CYP19A1: variants seen among roughly 807,000 people sequenced by gnomAD.
CYP19A1 encodes the protein aromatase.
A neutral mutation model predicts 44.4 loss-of-function variants in CYP19A1; 32 were observed. The ratio of observed to expected loss-of-function variants is 0.72; its 90% CI spans 0.54 to 0.97. The LOEUF (loss-of-function observed/expected upper bound fraction) is 0.97. CYP19A1 is among the 50% of genes least tolerant of loss of function. CYP19A1 has a pLI of 0.00. For missense variants in CYP19A1, 598 were observed against 637.8 expected, an observed-to-expected ratio of 0.94 and a Z score of 0.67; for synonymous variants, 212 against 215.6, an observed-to-expected ratio of 0.98 and a Z score of 0.14.
At chr15:51,287,874 T>G (rs1056980692) in intron 1 of CYP19A1, among the ~76,000 whole-genome samples, 1 of 152,200 alleles carries the variant, frequency 6.6e-6, no homozygotes, top group Non-Finnish European at 1.5e-5. Flanking sequence ...GGTGGAATGT[T>G]CAAAAGCTCA....
intron 1 of CYP19A1, among the ~76,000 whole-genome samples, chr15:51,283,616 G>A (rs753526872): frequency 1.0e-3 from 157 of 152,096 alleles, no homozygotes; most frequent in Non-Finnish European, 8.1e-4. Flanking sequence ...TCCAATTGTC[G>A]GCAATTTGGA....
At chr15:51,261,097 C>T (rs971207550) in intron 1 of CYP19A1, among the ~76,000 whole-genome samples, 23 of 152,302 alleles carry the variant, frequency 1.5e-4, no homozygotes, top group Admixed American at 1.2e-3. Context: ...GCTAGAGGCT[C>T]GCCATTGTTC....
intron 2 of CYP19A1, 73 bp from the exon 3 acceptor site, chr15:51,237,082 T>C: frequency 3.3e-6 from 5 of 1,528,430 alleles, no homozygotes; most frequent in Non-Finnish European, 4.5e-6. Flanking sequence ...GTTACTCCTG[T>C]TTTTGTTCTT....
At chr15:51,287,526 G>A (rs2035734654) in intron 1 of CYP19A1, among the ~76,000 whole-genome samples, 2 of 152,178 alleles carry the variant, frequency 1.3e-5, no homozygotes, top group African/African-American at 4.8e-5. Context: ...GGCAGCCACA[G>A]CTCAGACATT....
At chr15:51,253,565 A>C (rs555317458) in intron 1 of CYP19A1, among the ~76,000 whole-genome samples, 1 of 152,126 alleles carries the variant, frequency 6.6e-6, no homozygotes, top group South Asian at 2.1e-4. Flanking sequence ...TCCCACCCAC[A>C]CTTCCTTTTA....
chr15:51,328,533 A>G (rs2036648202), intron 1 of CYP19A1, among the ~76,000 whole-genome samples: 1 of 149,158 alleles, frequency 6.7e-6, no homozygotes. Context: ...GGGAATCCTG[A>G]GTTACAGGGC....
chr15:51,300,872 C>T (rs912091361), intron 1 of CYP19A1, among the ~76,000 whole-genome samples: 2 of 152,098 alleles, frequency 1.3e-5, no homozygotes, highest in South Asian at 4.1e-4. Flanking sequence ...AGACATAAAA[C>T]GGTGGTAGGC....
chr15:51,329,870 G>A (rs778454068), intron 1 of CYP19A1, among the ~76,000 whole-genome samples: 3 of 152,198 alleles, frequency 2.0e-5, no homozygotes, highest in Admixed American at 6.5e-5. Flanking sequence ...GACAGGGAGC[G>A]ACAGGCCATT....
At chr15:51,216,986 G>T (rs1029220980) in intron 6 of CYP19A1, among the ~76,000 whole-genome samples, 1 of 152,112 alleles carries the variant, frequency 6.6e-6, no homozygotes, top group Non-Finnish European at 1.5e-5. Context: ...TCTGTATTAC[G>T]TTAAATGTAC....
intron 5 of CYP19A1, 53 bp downstream of exon 5, chr15:51,222,296 C>G: frequency 6.2e-7 from 1 of 1,613,728 alleles, no homozygotes; most frequent in Non-Finnish European, 8.5e-7. Flanking sequence ...CCTCCTAGCT[C>G]CTTGTTCAGT....
At chr15:51,329,908 G>A (rs984749556) in intron 1 of CYP19A1, among the ~76,000 whole-genome samples, 5 of 152,210 alleles carry the variant, frequency 3.3e-5, no homozygotes, top group African/African-American at 1.2e-4. Context: ...ACACCAGGAT[G>A]GGTAAATACA....
chr15:51,280,288 C>T (rs535632249), intron 1 of CYP19A1, among the ~76,000 whole-genome samples: 6 of 151,858 alleles, frequency 4.0e-5, no homozygotes, highest in African/African-American at 9.7e-5. Context: ...TTAGTAGAGA[C>T]GGGGTTTCAC....
At chr15:51,225,213 G>C (rs1028765435) in intron 4 of CYP19A1, among the ~76,000 whole-genome samples, 6 of 152,114 alleles carry the variant, frequency 3.9e-5, no homozygotes, top group African/African-American at 1.4e-4. Context: ...ATTGTATCTT[G>C]GTACCTAGTT....
chr15:51,326,706 C>G (rs1299297151), intron 1 of CYP19A1, among the ~76,000 whole-genome samples: 25 of 152,012 alleles, frequency 1.6e-4, no homozygotes, highest in Admixed American at 1.6e-3. Context: ...GAATTTTGAA[C>G]CTGGAAGAAA....
At chr15:51,218,402 C>A in intron 6 of CYP19A1, 139 bp downstream of exon 6, 1 of 1,317,564 alleles carries the variant, frequency 7.6e-7, no homozygotes. Context: ...AGTGTTTCAT[C>A]AGCAACTTAA....
chr15:51,273,732 G>A (rs917245179), intron 1 of CYP19A1, among the ~76,000 whole-genome samples: 2 of 152,146 alleles, frequency 1.3e-5, no homozygotes, highest in East Asian at 1.9e-4. Context: ...ACAGCCGGCT[G>A]CAATGGCTCA....
chr15:51,313,365 C>T (rs559774173), intron 1 of CYP19A1, among the ~76,000 whole-genome samples: 50 of 152,182 alleles, frequency 3.3e-4, no homozygotes, highest in African/African-American at 1.2e-3. Flanking sequence ...AGAGCAGAGG[C>T]ACCACCTAAA....
intron 1 of CYP19A1, among the ~76,000 whole-genome samples, chr15:51,257,293 T>C (rs34734762): frequency 2.5e-4 from 38 of 152,346 alleles, no homozygotes; most frequent in African/African-American, 8.7e-4. Flanking sequence ...AGAGTTCATA[T>C]TCCACCAAGT....
intron 3 of CYP19A1, among the ~76,000 whole-genome samples, chr15:51,235,701 C>T (rs1424708268): frequency 6.6e-6 from 1 of 151,998 alleles, no homozygotes; most frequent in Non-Finnish European, 1.5e-5. Context: ...TTGAGGATAC[C>T]GTGGTATTTT....
Sources: gnomAD v4.1 joint callset for allele counts (sites outside exome capture counted in the v4.1 genomes callset) on GRCh38, gnomAD v4.1.1 for gene constraint, MANE v1.5 for transcripts, NCBI Gene and HGNC (gene_info 2026-07-23, HGNC 2026-07-21) for gene names.